The following SLC24A3 variants were observed in gnomAD, a reference collection of about 807,000 sequenced individuals.
The protein encoded by SLC24A3 is solute carrier family 24 member 3.
SLC24A3 carries 28 observed loss-of-function variants against 75.8 expected under a neutral mutation model. The observed-to-expected ratio is 0.37, with a 90% CI of 0.27 to 0.51. The LOEUF (loss-of-function observed/expected upper bound fraction) is 0.51. Ranked by LOEUF, SLC24A3 falls within the 20% of genes least tolerant of loss-of-function variation. The pLI is 0.94. For missense variants in SLC24A3, 663 were observed against 847.8 expected, an observed-to-expected ratio of 0.78 and a Z score of 2.71; for synonymous variants, 372 against 334.1, an observed-to-expected ratio of 1.11 and a Z score of -1.24.
intron 2 of SLC24A3, among the ~76,000 whole-genome samples, chr20:19,468,890 G>A (rs1987815116): frequency 6.6e-6 from 1 of 152,122 alleles, no homozygotes; most frequent in African/African-American, 2.4e-5. Context: ...GGATCTTGTG[G>A]GCAGCCAGTG....
intron 3 of SLC24A3, among the ~76,000 whole-genome samples, chr20:19,547,030 A>G (rs1173689651): frequency 6.6e-6 from 1 of 152,252 alleles, no homozygotes; most frequent in African/African-American, 2.4e-5. Context: ...ATGACCACCC[A>G]GGTCAGATTC....
chr20:19,234,327 T>A (rs957381062), intron 1 of SLC24A3, among the ~76,000 whole-genome samples: 4 of 152,218 alleles, frequency 2.6e-5, no homozygotes, highest in South Asian at 2.1e-4. Flanking sequence ...GAAGTTGGCA[T>A]GTATTGCCTG....
At chr20:19,454,247 AG>A (rs2122486627) in intron 2 of SLC24A3, among the ~76,000 whole-genome samples, 1 of 152,346 alleles carries the variant, frequency 6.6e-6, no homozygotes, top group Admixed American at 6.5e-5. Context: ...TAGCCGGGGA[AG>A]ACCCATCAAT....
At chr20:19,388,528 G>A (rs940815425) in intron 2 of SLC24A3, among the ~76,000 whole-genome samples, 30 of 152,184 alleles carry the variant, frequency 2.0e-4, no homozygotes, top group African/African-American at 6.3e-4. Context: ...TGGCTAACAC[G>A]GTGAAACCCC....
At chr20:19,626,900 T>C (rs1284262003) in intron 6 of SLC24A3, among the ~76,000 whole-genome samples, 1 of 152,184 alleles carries the variant, frequency 6.6e-6, no homozygotes, top group Non-Finnish European at 1.5e-5. Context: ...GTAGAGCCAG[T>C]TGAATACTGT....
At chr20:19,349,016 T>C (rs1985501713) in intron 2 of SLC24A3, among the ~76,000 whole-genome samples, 2 of 152,192 alleles carry the variant, frequency 1.3e-5, no homozygotes, top group Non-Finnish European at 2.9e-5. Context: ...TGCTTCTTCC[T>C]GGAGTGCTTG....
At chr20:19,699,984 C>G (rs1297018923) in intron 15 of SLC24A3, among the ~76,000 whole-genome samples, 1 of 152,140 alleles carries the variant, frequency 6.6e-6, no homozygotes, top group Non-Finnish European at 1.5e-5. Context: ...TTCTGGGGTA[C>G]AAACCAATGT....
intron 1 of SLC24A3, among the ~76,000 whole-genome samples, chr20:19,229,618 TA>T (rs1343618311): frequency 4.5e-5 from 1 of 22,340 alleles, no homozygotes; most frequent in Non-Finnish European, 6.6e-5. Flanking sequence ...TGTGTGTGTG[TA>T]TATATATATA....
chr20:19,366,450 C>G, intron 2 of SLC24A3, among the ~76,000 whole-genome samples: 1 of 152,114 alleles, frequency 6.6e-6, no homozygotes, highest in East Asian at 1.9e-4. Flanking sequence ...TTTTGTAGTT[C>G]TCCATGTAAT....
At chr20:19,509,588 C>T (rs187012766) in intron 2 of SLC24A3, among the ~76,000 whole-genome samples, 69 of 152,332 alleles carry the variant, frequency 4.5e-4, no homozygotes, top group African/African-American at 1.7e-3. Flanking sequence ...CAGAGTGTGT[C>T]GCCAGTTGAA....
chr20:19,576,611 C>T lies in SLC24A3; in HGVS notation c.349-3389C>T, dbSNP rs184380860. Among the ~76,000 whole-genome samples, 7 of 152,246 alleles carry T rather than the reference C, an allele frequency of 4.6e-5. No individual in the cohort carries two copies. The East Asian group carries it at 5.8e-4, about 13-fold the overall frequency. ...TCCCCGCCTCATGCTGCCCAGCTCA[C>T]GAGAACTAACACAGCTTTTGATAGT... On this transcript the variant is annotated intron_variant, in intron 3 of 16. Transcript: ENST00000328041.
chr20:19,345,987 G>A (rs918062497), intron 2 of SLC24A3, among the ~76,000 whole-genome samples: 1 of 143,142 alleles, frequency 7.0e-6, no homozygotes, highest in Non-Finnish European at 1.5e-5. Context: ...GTACATGCAT[G>A]TTTATAGCAG....
At chr20:19,365,176 C>G (rs1412157761) in intron 2 of SLC24A3, among the ~76,000 whole-genome samples, 7 of 152,212 alleles carry the variant, frequency 4.6e-5, no homozygotes, top group Non-Finnish European at 1.0e-4. Context: ...TTGACTTTCC[C>G]TCAAGCCAAC....
At chr20:19,310,277 A>C (rs761957493) in intron 2 of SLC24A3, among the ~76,000 whole-genome samples, 66 of 152,310 alleles carry the variant, frequency 4.3e-4, no homozygotes, top group Non-Finnish European at 8.1e-4. Context: ...CTGAGAGCTT[A>C]TTGGCCACAC....
In SLC24A3 at chr20:19,212,690, G is replaced by A; in HGVS notation, c.-153G>A. 4.7e-6 allele frequency: 2 copies of A among 426,344 alleles called. No homozygotes were observed. The highest frequency in any genetic ancestry group is 6.2e-6 in the Non-Finnish European group (2 of 320,338). 26.4% of individuals were successfully genotyped at this position (426,344 alleles called of 1,614,324 possible). On this transcript the variant is annotated 5_prime_UTR_variant, in exon 1 of 17. Transcript: ENST00000328041. ...CGAGGAGACGGGCAGCGGCGAGGAG[G>A]AGGAAGAGGAGGCGGAGGCGGCGGC...
At position 19,610,151 on chromosome 20, in the gene SLC24A3, TTTC is replaced by T. The variant is rs570490944; in HGVS notation, c.612+24615_612+24617del. Among the ~76,000 whole-genome samples the T allele has an allele frequency of 4.9e-3, 749 of 152,358 alleles. 5 individuals are homozygous for T. Among genetic ancestry groups the T allele is most frequent in the African/African-American group, 0.017 (705 of 41,584 alleles). On this transcript the variant is annotated intron_variant, in intron 6 of 16. Coordinates refer to ENST00000328041, the MANE Select transcript of SLC24A3 (RefSeq NM_020689.4). The stretch of plus-strand genomic sequence containing the variant: ...TCCTGTTTCTTTTGTCTTCCTCGGC[TTTC>T]TTCTTCTCCTTTTCCTTCCACTTCC...
chr20:19,243,942 C>T (rs1314871147), intron 1 of SLC24A3: 1 of 152,186 alleles, frequency 6.6e-6, no homozygotes, highest in Admixed American at 6.5e-5. Flanking sequence ...CCCACGACCA[C>T]TGGAGGTTTC....
intron 1 of SLC24A3, among the ~76,000 whole-genome samples, chr20:19,274,934 G>T (rs185116435): frequency 6.6e-6 from 1 of 152,232 alleles, no homozygotes; most frequent in South Asian, 2.1e-4. Context: ...GAGAGCCTGA[G>T]TTAGTGCTGC....
chr20:19,430,949 G>A (rs766148958), intron 2 of SLC24A3, among the ~76,000 whole-genome samples: 135 of 150,304 alleles, frequency 9.0e-4, no homozygotes, highest in Non-Finnish European at 1.1e-3. Flanking sequence ...TTTGATCAGC[G>A]GTGGAGTCTG....
Sources: allele counts gnomAD v4.1 joint callset (sites outside exome capture counted in the v4.1 genomes callset), GRCh38; gene constraint gnomAD v4.1.1; transcripts MANE v1.5; gene names NCBI Gene and HGNC (gene_info 2026-07-23, HGNC 2026-07-21).